FRMD5: variants seen among roughly 807,000 people sequenced by gnomAD.
FRMD5 encodes the protein FERM domain-containing protein 5.
FRMD5 carries 20 observed loss-of-function variants against 69.0 expected under a neutral mutation model. The ratio of observed to expected loss-of-function variants is 0.29; its 90% CI spans 0.20 to 0.42. The LOEUF is 0.42. Among genes scored for constraint, FRMD5 ranks in the 10% least tolerant of loss-of-function variants. The pLI is 1.00. For synonymous variants in FRMD5, 271 were observed against 260.1 expected (o/e 1.04, Z -0.40); for missense variants, 595 against 708.6 (o/e 0.84, Z 1.82).
intron 1 of FRMD5, among the ~76,000 whole-genome samples, chr15:44,027,271 A>T (rs1357149425): frequency 6.6e-6 from 1 of 152,202 alleles, no homozygotes; most frequent in Admixed American, 6.5e-5. Context: ...ATTTATTTCC[A>T]TAACGATGGT....
chr15:44,029,389 A>T (rs547358087), intron 1 of FRMD5, among the ~76,000 whole-genome samples: 1 of 152,232 alleles, frequency 6.6e-6, no homozygotes, highest in East Asian at 1.9e-4. Context: ...ATAAGAAAGC[A>T]GCAATAGGAA....
chr15:43,884,864 A>G (rs2140357541), intron 11 of FRMD5, 69 bp from the exon 12 acceptor site: 1 of 1,322,278 alleles, frequency 7.6e-7, no homozygotes, highest in Non-Finnish European at 1.1e-6. Context: ...CCTCTCCAAG[A>G]TCTTAGGTGC....
chr15:44,161,530 T>A (rs1304623977), intron 1 of FRMD5, among the ~76,000 whole-genome samples: 1 of 152,216 alleles, frequency 6.6e-6, no homozygotes, highest in Non-Finnish European at 1.5e-5. Flanking sequence ...TGCTTAACTA[T>A]TAAGGTTATG....
chr15:44,040,531 A>G (rs969094856), intron 1 of FRMD5, among the ~76,000 whole-genome samples: 1 of 152,166 alleles, frequency 6.6e-6, no homozygotes, highest in Non-Finnish European at 1.5e-5. Context: ...AAAGAAAAAA[A>G]TTTTCAACCC....
intron 1 of FRMD5, among the ~76,000 whole-genome samples, chr15:44,137,341 C>G (rs1438063116): frequency 6.6e-6 from 1 of 152,216 alleles, no homozygotes; most frequent in East Asian, 1.9e-4. Flanking sequence ...ACCAGAATTG[C>G]TGGCTCTGAG....
chr15:44,157,118 T>A (rs2077541126), intron 1 of FRMD5, among the ~76,000 whole-genome samples: 1 of 152,216 alleles, frequency 6.6e-6, no homozygotes, highest in Admixed American at 6.5e-5. Context: ...CATATCATAT[T>A]AAATACATAC....
In FRMD5 at chr15:43,906,821, T is replaced by C. The variant is rs2089186580; in HGVS notation, c.428-870A>G. ...TTTCACCGTGTTAGCCAGGATGGTC[T>C]CGATCTCCTGACCTCGTGATCCGCC... On this transcript the variant is annotated intron_variant, in intron 5 of 13. Coordinates refer to ENST00000417257, the MANE Select transcript of FRMD5 (RefSeq NM_032892.5). Among the ~76,000 whole-genome samples, 2 of 149,992 alleles carry C rather than the reference T, an allele frequency of 1.3e-5. 1 individual carries two copies. The highest frequency in any genetic ancestry group is 5.1e-5 in the African/African-American group (2 of 39,474).
intron 1 of FRMD5, among the ~76,000 whole-genome samples, chr15:43,997,432 T>G (rs1022876771): frequency 6.6e-6 from 1 of 152,186 alleles, no homozygotes; most frequent in African/African-American, 2.4e-5. Context: ...GCAGTAAGGT[T>G]GCAAAGGATA....
rs2089915023 is a variant in FRMD5 at position 43,944,655 on chromosome 15, TC to T, written c.103-20347del. ...CCCAGGCTGGAGTGCAGTAGCATGA[TC>T]TTGGCTCACTGCAACTTTCACCTCC... On this transcript the variant is annotated intron_variant, in intron 1 of 13. Transcript: ENST00000417257. Among the ~76,000 whole-genome samples, 3 of 151,704 alleles carry T rather than the reference TC, an allele frequency of 2.0e-5. No individual in the cohort carries two copies. In the South Asian group the frequency reaches 6.2e-4, roughly 32 times the overall value.
intron 1 of FRMD5, among the ~76,000 whole-genome samples, chr15:43,949,207 A>G (rs117101779): frequency 0.016 from 2,508 of 152,282 alleles, 35 homozygotes; most frequent in Middle Eastern, 0.037. Flanking sequence ...AGGCCCTGCA[A>G]AGCCCCTGCA....
At chr15:44,008,562 G>A (rs375725575) in intron 1 of FRMD5, among the ~76,000 whole-genome samples, 4 of 151,364 alleles carry the variant, frequency 2.6e-5, no homozygotes, top group Non-Finnish European at 5.9e-5. Context: ...CACCGCGCCC[G>A]GCCACAGGCT....
rs143597201 is a variant in FRMD5, at chr15:43,958,300, G to C, written c.103-33991C>G. ...ATGCCTTTGAGGACCATGCCTTAGAGTACCATTGATGGACTGAAAATATAA... is the reference window on the plus strand; with the variant it reads ...ATGCCTTTGAGGACCATGCCTTAGACTACCATTGATGGACTGAAAATATAA... On this transcript the variant is annotated intron_variant, in intron 1 of 13. Coordinates refer to ENST00000417257, the MANE Select transcript of FRMD5 (RefSeq NM_032892.5). Among the ~76,000 whole-genome samples, 33 of 151,928 alleles carry C rather than the reference G, an allele frequency of 2.2e-4. No homozygotes were observed. The East Asian group carries it at 4.3e-3, about 20-fold the overall frequency.
chr15:44,125,201 C>A (rs2077009401), intron 1 of FRMD5, among the ~76,000 whole-genome samples: 1 of 152,038 alleles, frequency 6.6e-6, no homozygotes, highest in African/African-American at 2.4e-5. Context: ...ACTCAGGACA[C>A]TGAGGCGGGA....
chr15:43,964,500 CA>C (rs59698503), intron 1 of FRMD5, among the ~76,000 whole-genome samples: 128 of 129,658 alleles, frequency 9.9e-4, no homozygotes, highest in African/African-American at 2.6e-3. Context: ...AACAAACAAA[CA>C]AAAAAAAAAA....
intron 1 of FRMD5, among the ~76,000 whole-genome samples, chr15:44,019,581 C>T (rs919677729): frequency 1.3e-5 from 2 of 150,898 alleles, no homozygotes; most frequent in African/African-American, 2.4e-5. Context: ...ACTAAAAATA[C>T]AAAAAATTTG....
At chr15:44,161,258 G>C (rs1176592790) in intron 1 of FRMD5, among the ~76,000 whole-genome samples, 1 of 152,130 alleles carries the variant, frequency 6.6e-6, no homozygotes, top group Non-Finnish European at 1.5e-5. Context: ...TTCAACTGCT[G>C]CTTCCTCCAG....
At chr15:43,974,182 A>G (rs2090430278) in intron 1 of FRMD5, among the ~76,000 whole-genome samples, 1 of 152,118 alleles carries the variant, frequency 6.6e-6, no homozygotes, top group South Asian at 2.1e-4. Flanking sequence ...AGTGAAAGTG[A>G]GAGGCAAGGA....
intron 1 of FRMD5, among the ~76,000 whole-genome samples, chr15:44,004,035 C>T (rs1421935295): frequency 6.6e-6 from 1 of 152,138 alleles, no homozygotes; most frequent in Non-Finnish European, 1.5e-5. Context: ...TGTTTCACCC[C>T]CTATTTTGGC....
At chr15:43,928,657 G>C (rs1406091064) in intron 1 of FRMD5, among the ~76,000 whole-genome samples, 1 of 152,206 alleles carries the variant, frequency 6.6e-6, no homozygotes, top group Non-Finnish European at 1.5e-5. Flanking sequence ...CTAAGTCCAG[G>C]GGTTTCTGGA....
Sources: allele counts gnomAD v4.1 joint callset (sites outside exome capture counted in the v4.1 genomes callset), GRCh38; gene constraint gnomAD v4.1.1; transcripts MANE v1.5; gene names NCBI Gene and HGNC (gene_info 2026-07-23, HGNC 2026-07-21).